Variants in RNF144A observed in about 807,000 individuals in gnomAD.
The protein encoded by RNF144A is E3 ubiquitin-protein ligase RNF144A.
A neutral mutation model predicts 38.7 loss-of-function variants in RNF144A; 11 were observed. The observed-to-expected ratio is 0.28, with a 90% CI of 0.18 to 0.47. The LOEUF (loss-of-function observed/expected upper bound fraction) is 0.47. Ranked by LOEUF, RNF144A falls within the 20% of genes least tolerant of loss-of-function variation. RNF144A has a pLI of 0.99. For synonymous variants in RNF144A, 149 were observed against 143.9 expected, an observed-to-expected ratio of 1.04 and a Z score of -0.25; for missense variants, 316 against 377.2, an observed-to-expected ratio of 0.84 and a Z score of 1.34.
rs1672978945 is a variant in RNF144A at position 7,040,482 on chromosome 2, T to C, written c.*722T>C. ...CTATATTGTTGCATTTCCTTGATAA[T>C]ATTGACGTGTTTAAAGGAACATCTC... On this transcript the variant is annotated 3_prime_UTR_variant, in exon 9 of 9. Transcript: ENST00000320892. The C allele has an allele frequency of 1.0e-6, 1 of 985,278 alleles. No individual in the cohort carries two copies. The highest frequency in any genetic ancestry group is 6.1e-5 in the Admixed American group (1 of 16,266). The allele number at this position is 985,278 out of a possible 1,614,324, so 61.0% of individuals were successfully genotyped here.
downstream of RNF144A, chr2:7,044,326 G>C: frequency 2.5e-6 from 1 of 394,812 alleles, no homozygotes; most frequent in Non-Finnish European, 3.4e-6. Context: ...AAAGGGTGAG[G>C]CAGGGGAGGG....
intron 2 of RNF144A, among the ~76,000 whole-genome samples, chr2:6,954,520 T>C (rs1666878937): frequency 6.6e-6 from 1 of 152,230 alleles, no homozygotes; most frequent in East Asian, 1.9e-4. Flanking sequence ...AGGGTCTTGA[T>C]AGAATCTAAT....
intron 6 of RNF144A, among the ~76,000 whole-genome samples, chr2:7,066,150 G>A (rs914210251): frequency 1.3e-5 from 2 of 151,526 alleles, no homozygotes; most frequent in Non-Finnish European, 2.9e-5. Context: ...TTCAGTGGCC[G>A]GATCTCGGCT....
intron 2 of RNF144A, among the ~76,000 whole-genome samples, chr2:6,966,431 G>C (rs1044423156): frequency 6.6e-6 from 1 of 152,204 alleles, no homozygotes; most frequent in African/African-American, 2.4e-5. Context: ...AGAAACAGCA[G>C]CAACACGAAG....
rs1673021579 is a variant in RNF144A, at chr2:7,041,191, A to G, written c.*1431A>G. 3.0e-6 allele frequency: 3 copies of G among 983,788 alleles called. No individual in the cohort carries two copies. The highest frequency in any genetic ancestry group is 9.4e-5 in the South Asian group (2 of 21,244). The allele number at this position is 983,788 out of a possible 1,614,324, so 60.9% of individuals were successfully genotyped here. The stretch of plus-strand genomic sequence containing the variant: ...TTGTTAAACATTCTATAAAGAAGTA[A>G]AACAAAATCCTTTTATCTCAGTTAT... On this transcript the variant is annotated 3_prime_UTR_variant, in exon 9 of 9. Coordinates refer to ENST00000320892, the MANE Select transcript of RNF144A (RefSeq NM_014746.6).
intron 6 of RNF144A, among the ~76,000 whole-genome samples, chr2:7,020,980 G>C (rs1238653669): frequency 6.6e-6 from 1 of 152,186 alleles, no homozygotes; most frequent in Non-Finnish European, 1.5e-5. Context: ...ACTTTTAAAG[G>C]TTGCAAGTCC....
intron 7 of RNF144A, among the ~76,000 whole-genome samples, chr2:7,028,721 G>A (rs1269524126): frequency 6.6e-6 from 1 of 152,236 alleles, no homozygotes; most frequent in African/African-American, 2.4e-5. Flanking sequence ...TCAAGGAGGA[G>A]AGAGCTCACA....
chr2:6,939,602 T>TC (rs1665832508), intron 1 of RNF144A, among the ~76,000 whole-genome samples: 3 of 152,224 alleles, frequency 2.0e-5, no homozygotes, highest in African/African-American at 7.2e-5. Context: ...ATCTATTTTT[T>TC]CTTGTTTGAG....
intron 3 of RNF144A, among the ~76,000 whole-genome samples, chr2:7,002,353 A>G (rs1470346739): frequency 6.6e-6 from 1 of 152,210 alleles, no homozygotes; most frequent in Non-Finnish European, 1.5e-5. Flanking sequence ...CATTAGATGC[A>G]GGTGTGGGCT....
rs538202057 is a variant in RNF144A, at chr2:7,065,831, G to A, written c.735-2385G>A. ...CAAAGATATTCATGGAAAAGACTAC[G>A]AAAGTTACTTTAAAAATACAGGCTT... On this transcript the variant is annotated intron_variant, in intron 6 of 6. Transcript: ENST00000432850. Among the ~76,000 whole-genome samples the A allele has an allele frequency of 5.9e-5, 9 of 152,302 alleles. No individual in the cohort carries two copies. In the East Asian group the frequency reaches 9.6e-4, roughly 16 times the overall value.
chr2:6,957,975 G>A (rs1667115016), intron 2 of RNF144A, among the ~76,000 whole-genome samples: 1 of 152,324 alleles, frequency 6.6e-6, no homozygotes, highest in East Asian at 1.9e-4. Flanking sequence ...AGCTGAGACT[G>A]CCTAATCTTG....
intron 1 of RNF144A, among the ~76,000 whole-genome samples, chr2:6,927,998 C>T (rs760734709): frequency 2.0e-5 from 3 of 152,148 alleles, no homozygotes; most frequent in East Asian, 3.9e-4. Flanking sequence ...CAGGGCCCCT[C>T]GCCTGCATCT....
At chr2:6,936,062 C>T (rs1665554587) in intron 1 of RNF144A, among the ~76,000 whole-genome samples, 1 of 152,174 alleles carries the variant, frequency 6.6e-6, no homozygotes, top group Non-Finnish European at 1.5e-5. Flanking sequence ...GGCGGCTCGG[C>T]CTATGGAAAC....
intron 5 of RNF144A, among the ~76,000 whole-genome samples, chr2:7,018,434 G>T (rs1379901737): frequency 6.6e-6 from 1 of 152,154 alleles, no homozygotes; most frequent in Non-Finnish European, 1.5e-5. Flanking sequence ...GCATCGCGGG[G>T]ACGGGATGGG....
rs201965491 is a variant in RNF144A, at chr2:7,020,512, C to T, written c.341C>T (p.Ser114Phe). The change falls in exon 6 of 9, where the codon TCC (serine) becomes TTC (phenylalanine). Residue 114 changes from serine to phenylalanine, a missense_variant. By Grantham distance (155) the Ser-to-Phe change is radical. Coordinates refer to ENST00000320892, the MANE Select transcript of RNF144A (RefSeq NM_014746.6). Reference sequence around the variant, plus strand: ...CCCTGTCGGACTTGGTGCCCGGCGTCCACCTGCCAAGCTGTGTGTCAGCTC... The same window carrying T: ...CCCTGTCGGACTTGGTGCCCGGCGTTCACCTGCCAAGCTGTGTGTCAGCTC... The part of the protein sequence containing the change: ...FDPCRTWCPA[S>F]TCQAVCQLQD... 1 of 1,613,828 alleles carries T rather than the reference C, an allele frequency of 6.2e-7. No homozygotes were observed. The highest frequency in any genetic ancestry group is 2.2e-5 in the East Asian group (1 of 44,874).
At position 7,042,890 on chromosome 2, in the gene RNF144A, G is replaced by C; in HGVS notation, c.*3130G>C. 5 of 978,844 alleles carry C rather than the reference G, an allele frequency of 5.1e-6. No homozygotes were observed. Among genetic ancestry groups the C allele is most frequent in the Non-Finnish European group, 6.1e-6 (5 of 824,202 alleles). 60.6% of individuals were successfully genotyped at this position (978,844 alleles called of 1,614,324 possible). A position where few individuals can be genotyped will look rare whatever the true frequency, so the allele number is the denominator to read the frequency against. On this transcript the variant is annotated 3_prime_UTR_variant, in exon 9 of 9. Coordinates refer to ENST00000320892, the MANE Select transcript of RNF144A (RefSeq NM_014746.6). ...CTTTCTTTTTTTTTCTTTTTGAGAC[G>C]GAGTTTCGCTTTTGTCCCCCAAGCT... is the stretch of plus-strand genomic sequence containing the variant.
intron 1 of RNF144A, among the ~76,000 whole-genome samples, chr2:6,918,121 G>T (rs1440215612): frequency 6.6e-6 from 1 of 152,120 alleles, no homozygotes; most frequent in East Asian, 1.9e-4. Flanking sequence ...CGCGTCCGGG[G>T]CATCGCCACC....
intron 7 of RNF144A, among the ~76,000 whole-genome samples, chr2:7,028,729 A>G (rs1672085059): frequency 6.6e-6 from 1 of 152,240 alleles, no homozygotes; most frequent in African/African-American, 2.4e-5. Context: ...GAGAGAGCTC[A>G]CAGTGATGGA....
chr2:6,918,525 C>T, intron 1 of RNF144A: 1 of 151,938 alleles, frequency 6.6e-6, no homozygotes, highest in South Asian at 2.1e-4. Context: ...GCCTGTAATC[C>T]CAGCACTTTG....
Sources: gnomAD v4.1 joint callset for allele counts (sites outside exome capture counted in the v4.1 genomes callset) on GRCh38, gnomAD v4.1.1 for gene constraint, MANE v1.5 for transcripts, NCBI Gene and HGNC (gene_info 2026-07-23, HGNC 2026-07-21) for gene names.